The following PCED1B variants were observed in gnomAD, a reference collection of about 807,000 sequenced individuals.
PCED1B encodes PC-esterase domain-containing protein 1B.
For missense variants in PCED1B, 573 were observed against 573.9 expected (o/e 1.00, Z 0.02); for synonymous variants, 251 against 246.1 (o/e 1.02, Z -0.19).
At chr12:47,141,671 A>G (rs1940597905) in intron 2 of PCED1B, among the ~76,000 whole-genome samples, 1 of 152,112 alleles carries the variant, frequency 6.6e-6, no homozygotes, top group Admixed American at 6.5e-5. Flanking sequence ...GCTTACCTAC[A>G]TTCCACAGCA....
intron 2 of PCED1B, among the ~76,000 whole-genome samples, chr12:47,131,499 A>G (rs946582265): frequency 6.6e-6 from 1 of 152,134 alleles, no homozygotes; most frequent in African/African-American, 2.4e-5. Flanking sequence ...GTCCTTCATC[A>G]GTAGTGGCTG....
intron 2 of PCED1B, among the ~76,000 whole-genome samples, chr12:47,145,642 G>T (rs1350151738): frequency 6.6e-6 from 1 of 152,182 alleles, no homozygotes. Context: ...AATTAACTCT[G>T]CCTGTGCTGT....
At chr12:47,107,227 A>C (rs1048209647) in intron 2 of PCED1B, among the ~76,000 whole-genome samples, 2 of 152,168 alleles carry the variant, frequency 1.3e-5, no homozygotes, top group Admixed American at 1.3e-4. Flanking sequence ...GCCGGGGCCA[A>C]ACACCGTAAG....
intron 3 of PCED1B, among the ~76,000 whole-genome samples, chr12:47,226,018 AAATT>A: frequency 6.6e-6 from 1 of 152,362 alleles, no homozygotes; most frequent in Non-Finnish European, 1.5e-5. Context: ...AGCTATTAAA[AAATT>A]AATTATCCCC....
intron 2 of PCED1B, among the ~76,000 whole-genome samples, chr12:47,108,650 G>A (rs1939060531): frequency 6.6e-6 from 1 of 152,204 alleles, no homozygotes; most frequent in Non-Finnish European, 1.5e-5. Flanking sequence ...CATTACTTGA[G>A]TTTTACAACA....
At chr12:47,217,516 G>GAAAGAAAAA in intron 3 of PCED1B, among the ~76,000 whole-genome samples, 1 of 111,802 alleles carries the variant, frequency 8.9e-6, no homozygotes, top group Non-Finnish European at 1.8e-5. Flanking sequence ...AAGAAAGAAA[G>GAAAGAAAAA]AAGAAAGAGA....
At chr12:47,175,100 T>G (rs566048527) in intron 2 of PCED1B, among the ~76,000 whole-genome samples, 1 of 152,202 alleles carries the variant, frequency 6.6e-6, no homozygotes, top group Non-Finnish European at 1.5e-5. Flanking sequence ...CAAATTCCTA[T>G]AATTCTGCAT....
At chr12:47,106,538 T>A (rs147151659) in intron 2 of PCED1B, among the ~76,000 whole-genome samples, 58 of 152,190 alleles carry the variant, frequency 3.8e-4, no homozygotes, top group African/African-American at 1.3e-3. Context: ...TGGAAAAGCA[T>A]CAGCAAACGC....
intron 3 of PCED1B, among the ~76,000 whole-genome samples, chr12:47,233,049 G>C (rs936838431): frequency 6.6e-6 from 1 of 151,974 alleles, no homozygotes; most frequent in South Asian, 2.1e-4. Context: ...CCATCCTCCC[G>C]CCTCAGTCGT....
intron 3 of PCED1B, among the ~76,000 whole-genome samples, chr12:47,217,284 C>A (rs929022623): frequency 1.2e-4 from 18 of 151,532 alleles, no homozygotes; most frequent in African/African-American, 4.1e-4. Context: ...GGCCTGTAGT[C>A]CCAGCTACTA....
At chr12:47,140,128 C>T (rs1396645351) in intron 2 of PCED1B, among the ~76,000 whole-genome samples, 1 of 152,162 alleles carries the variant, frequency 6.6e-6, no homozygotes, top group Non-Finnish European at 1.5e-5. Context: ...GACTACCTTG[C>T]ATATGTTACT....
rs1943958287 is a variant in PCED1B, at chr12:47,235,705, G to A, written c.642G>A (p.Leu214=). The A allele has an allele frequency of 6.2e-7, 1 of 1,612,812 alleles. No individual in the cohort carries two copies. The change falls in exon 4 of 4, where the codon TTG becomes TTA. Residue 214 remains leucine, a synonymous_variant. Transcript: ENST00000546455. ...AACATAACTTCGATGTACTGGACTT[G>A]CATTTCCACTTCCGCCACGCGAGGG... ...ARKHNFDVLD[L]HFHFRHAREN... is the part of the protein sequence containing the mutation.
chr12:47,106,120 A>G (rs576779956), intron 2 of PCED1B, among the ~76,000 whole-genome samples: 161 of 152,294 alleles, frequency 1.1e-3, no homozygotes, highest in African/African-American at 3.8e-3. Flanking sequence ...GTCCATTGCC[A>G]GAAGGTAAAT....
At chr12:47,119,700 C>G (rs928594189) in intron 2 of PCED1B, among the ~76,000 whole-genome samples, 1 of 150,110 alleles carries the variant, frequency 6.7e-6, no homozygotes, top group Non-Finnish European at 1.5e-5. Flanking sequence ...AAGATTAGGC[C>G]GGGCGTGGTG....
At chr12:47,169,895 ATCT>A (rs1941666862) in intron 2 of PCED1B, among the ~76,000 whole-genome samples, 1 of 96,850 alleles carries the variant, frequency 1.0e-5, no homozygotes, top group Admixed American at 1.7e-4. Flanking sequence ...TATATTACTC[ATCT>A]TTTTTTTTTT....
chr12:47,160,930 A>G (rs1180657042), intron 2 of PCED1B, among the ~76,000 whole-genome samples: 1 of 152,150 alleles, frequency 6.6e-6, no homozygotes, highest in Non-Finnish European at 1.5e-5. Flanking sequence ...AATTGCTTCT[A>G]GCAGGAATGG....
At chr12:47,170,300 A>G (rs1375546257) in intron 2 of PCED1B, among the ~76,000 whole-genome samples, 1 of 152,204 alleles carries the variant, frequency 6.6e-6, no homozygotes, top group Non-Finnish European at 1.5e-5. Context: ...ACTTCTTTCT[A>G]CACAGACACA....
chr12:47,214,865 T>C (rs1476231253), intron 2 of PCED1B, among the ~76,000 whole-genome samples: 2 of 152,180 alleles, frequency 1.3e-5, no homozygotes, highest in African/African-American at 2.4e-5. Flanking sequence ...GCTCGAAATA[T>C]GCCAAATAAC....
chr12:47,180,145 A>G (rs188173252), intron 2 of PCED1B, among the ~76,000 whole-genome samples: 4 of 152,148 alleles, frequency 2.6e-5, no homozygotes, highest in East Asian at 3.9e-4. Flanking sequence ...CTATGTGTCT[A>G]TGTGTTCTCA....
Sources: gnomAD v4.1 joint callset for allele counts (sites outside exome capture counted in the v4.1 genomes callset) on GRCh38, gnomAD v4.1.1 for gene constraint, MANE v1.5 for transcripts, NCBI Gene and HGNC (gene_info 2026-07-23, HGNC 2026-07-21) for gene names.